The following WDR45B variants were observed in gnomAD, a reference collection of about 807,000 sequenced individuals.
WDR45B encodes WD repeat domain 45B, also known as WD repeat domain phosphoinositide-interacting protein 3.
WDR45B carries 20 observed loss-of-function variants against 44.6 expected under a neutral mutation model. The ratio of observed to expected loss-of-function variants is 0.45; its 90% CI spans 0.32 to 0.65. The LOEUF is 0.65. WDR45B is among the 30% of genes least tolerant of loss of function. WDR45B has a pLI of 0.05. For missense variants in WDR45B, 323 were observed against 430.2 expected, an observed-to-expected ratio of 0.75 and a Z score of 2.20; for synonymous variants, 169 against 164.9, an observed-to-expected ratio of 1.02 and a Z score of -0.19.
intron 2 of WDR45B, chr17:82,636,456 T>G (rs2045834182): frequency 6.6e-6 from 1 of 151,746 alleles, no homozygotes; most frequent in Non-Finnish European, 1.5e-5. Flanking sequence ...CTTCAGGAAT[T>G]AGAGAGGACT....
At chr17:82,627,427 A>C in intron 3 of WDR45B, 136 bp from the exon 4 acceptor site, 1 of 752,288 alleles carries the variant, frequency 1.3e-6, no homozygotes, top group East Asian at 2.6e-5. Flanking sequence ...CCTCAGACAC[A>C]CACCCGCACC....
rs1310350770 is a variant in WDR45B, at chr17:82,616,127, C to T, written c.929-102G>A. 3.5e-6 allele frequency: 4 copies of T among 1,149,136 alleles called. No homozygotes were observed. In the African/African-American group the frequency reaches 6.1e-5, roughly 18 times the overall value. The allele number at this position is 1,149,136 out of a possible 1,614,324, so 71.2% of individuals were successfully genotyped here. On this transcript the variant is annotated intron_variant, in intron 9 of 9. Coordinates refer to ENST00000392325, the MANE Select transcript of WDR45B (RefSeq NM_019613.4). ...CTGCAAAGGGCCTCTTGGAGCCAGG[C>T]AGCTGCTCTGAAAGCCCTGAAAGGC... is the stretch of plus-strand genomic sequence containing the variant.
chr17:82,637,619 C>A (rs928677476), intron 2 of WDR45B, among the ~76,000 whole-genome samples: 1 of 151,946 alleles, frequency 6.6e-6, no homozygotes, highest in Non-Finnish European at 1.5e-5. Flanking sequence ...TCCCGTGACC[C>A]CTTCTTTGGG....
At chr17:82,638,328 G>A (rs2045867021) in intron 2 of WDR45B, among the ~76,000 whole-genome samples, 1 of 147,300 alleles carries the variant, frequency 6.8e-6, no homozygotes, top group Non-Finnish European at 1.5e-5. Flanking sequence ...TGGGGTGGTG[G>A]TGGGGAGACA....
At chr17:82,631,278 T>A (rs533211328) in intron 2 of WDR45B, among the ~76,000 whole-genome samples, 5 of 45,236 alleles carry the variant, frequency 1.1e-4, no homozygotes, top group African/African-American at 2.0e-4. Flanking sequence ...ACAGGACTCA[T>A]TTTTTTTTTT....
At position 82,648,093 on chromosome 17, in the gene WDR45B, C is replaced by G. The variant is rs1220765057; in HGVS notation, c.67+181G>C. ...GGTTCGGGCCTGGTCCGGACCCCGGCTCGGGCTGGGAGCAGCGGCGAGGGC... is the reference window on the plus strand; with the variant it reads ...GGTTCGGGCCTGGTCCGGACCCCGGGTCGGGCTGGGAGCAGCGGCGAGGGC... On this transcript the variant is annotated intron_variant, in intron 1 of 9. Transcript: ENST00000392325. Among the ~76,000 whole-genome samples, 6 of 149,560 alleles carry G rather than the reference C, an allele frequency of 4.0e-5. No homozygotes were observed. In the East Asian group the frequency reaches 1.2e-3, roughly 30 times the overall value.
In WDR45B at chr17:82,643,978, G is replaced by A. The variant is rs1349682951; in HGVS notation, c.113C>T (p.Thr38Ile). The change falls in exon 2 of 10, where the codon ACT (threonine) becomes ATT (isoleucine). Residue 38 changes from threonine (T) to isoleucine (I), a missense_variant. By Grantham distance (89) the Thr-to-Ile change is moderately conservative (BLOSUM62 -1). Coordinates refer to ENST00000392325, the MANE Select transcript of WDR45B (RefSeq NM_019613.4). ...TTTCTCTTTTTCTTTTAGTGGATCA[G>A]TGTTATAGACTCGGAATCCATTTTC... ...GMENGFRVYN[T>I]DPLKEKEKQE... 2 of 1,614,142 alleles carry A rather than the reference G, an allele frequency of 1.2e-6. No individual in the cohort carries two copies. The highest frequency in any genetic ancestry group is 1.1e-5 in the South Asian group (1 of 91,072).
At chr17:82,627,760 ATC>A (rs1424474599) in intron 3 of WDR45B, among the ~76,000 whole-genome samples, 5 of 152,230 alleles carry the variant, frequency 3.3e-5, no homozygotes, top group Non-Finnish European at 5.9e-5. Flanking sequence ...GAGCGCGTTC[ATC>A]TCTCTCTGCC....
chr17:82,622,647 T>G (rs1430856622), intron 5 of WDR45B, among the ~76,000 whole-genome samples: 1 of 152,172 alleles, frequency 6.6e-6, no homozygotes, highest in South Asian at 2.1e-4. Flanking sequence ...TTAGCCAGGA[T>G]GGTCTCAATC....
intron 1 of WDR45B, 144 bp from the exon 2 acceptor site, chr17:82,644,167 C>T: frequency 1.3e-6 from 1 of 759,996 alleles, no homozygotes; most frequent in South Asian, 1.5e-5. Context: ...CAACTCCTGT[C>T]CTTGTACAAA....
At chr17:82,641,522 G>A (rs907473535) in intron 2 of WDR45B, among the ~76,000 whole-genome samples, 1 of 152,116 alleles carries the variant, frequency 6.6e-6, no homozygotes, top group Non-Finnish European at 1.5e-5. Flanking sequence ...ACCTGATTGT[G>A]GGTCTGAAGA....
chr17:82,615,879 A>G lies in WDR45B; in HGVS notation c.*40T>C. 6.3e-7 allele frequency: 1 copy of G among 1,586,266 alleles called. No individual in the cohort carries two copies. Among genetic ancestry groups the G allele is most frequent in the Non-Finnish European group, 8.7e-7 (1 of 1,156,032 alleles). ...ACTGGCACCAGCCCCGAGAGTCTGA[A>G]GGCGGCAGGTGGTGGGTGCTGTGGC... is the stretch of plus-strand genomic sequence containing the variant. On this transcript the variant is annotated 3_prime_UTR_variant, in exon 10 of 10. Coordinates refer to ENST00000392325, the MANE Select transcript of WDR45B (RefSeq NM_019613.4).
At chr17:82,637,817 T>C (rs2045854679) in intron 2 of WDR45B, among the ~76,000 whole-genome samples, 1 of 151,918 alleles carries the variant, frequency 6.6e-6, no homozygotes, top group Non-Finnish European at 1.5e-5. Flanking sequence ...AGCTTCATGA[T>C]ATCAGCATTC....
At chr17:82,626,364 T>C (rs1220726870) in intron 4 of WDR45B, among the ~76,000 whole-genome samples, 1 of 151,130 alleles carries the variant, frequency 6.6e-6, no homozygotes, top group East Asian at 2.0e-4. Flanking sequence ...GGTGAAACCC[T>C]GTCTCTACTA....
At chr17:82,640,106 G>C (rs2045894385) in intron 2 of WDR45B, among the ~76,000 whole-genome samples, 1 of 152,124 alleles carries the variant, frequency 6.6e-6, no homozygotes, top group African/African-American at 2.4e-5. Context: ...CCCCAAGAAG[G>C]CTTCCCTGAA....
At position 82,619,043 on chromosome 17, in the gene WDR45B, C is replaced by G; in HGVS notation, c.704G>C (p.Cys235Ser). The G allele has an allele frequency of 6.2e-7, 1 of 1,614,042 alleles. No homozygotes were observed. Among genetic ancestry groups the G allele is most frequent in the Non-Finnish European group, 8.5e-7 (1 of 1,179,948 alleles). Residue 235 changes from cysteine (C) to serine (S), a missense_variant and splice_region_variant, in exon 7 of 10, where the codon TGC becomes TCC. By Grantham distance (112) the Cys-to-Ser change is moderately radical (BLOSUM62 -1). Transcript: ENST00000392325. ...RRGSQAANIYCINFNQDASLI... is the reference protein window; with the variant it reads ...RRGSQAANIYSINFNQDASLI... ...CCGGTGAAGTTGGAGGTGCCCTTAC[C>G]AGTAAATATTGGCTGCTTGAGATCC...
intron 6 of WDR45B, among the ~76,000 whole-genome samples, chr17:82,621,242 C>T (rs962132454): frequency 2.0e-5 from 3 of 152,004 alleles, no homozygotes; most frequent in Non-Finnish European, 4.4e-5. Context: ...TTAGTAGAGA[C>T]GGGGTTTCAC....
intron 3 of WDR45B, among the ~76,000 whole-genome samples, 160 bp downstream of exon 3, chr17:82,630,761 G>C (rs1040301949): frequency 2.6e-5 from 4 of 152,190 alleles, no homozygotes; most frequent in Non-Finnish European, 5.9e-5. Flanking sequence ...TGGGAATAGA[G>C]ACCTGGTGCC....
intron 5 of WDR45B, 111 bp from the exon 6 acceptor site, chr17:82,621,910 A>T: frequency 8.6e-7 from 1 of 1,163,606 alleles, no homozygotes; most frequent in Non-Finnish European, 1.3e-6. Flanking sequence ...TCATTTATAA[A>T]TATCAGAACC....
Sources: gnomAD v4.1 joint callset for allele counts (sites outside exome capture counted in the v4.1 genomes callset) on GRCh38, gnomAD v4.1.1 for gene constraint, MANE v1.5 for transcripts, NCBI Gene and HGNC (gene_info 2026-07-23, HGNC 2026-07-21) for gene names.